Variants in ARID3A observed in about 807,000 individuals in gnomAD.
ARID3A encodes AT-rich interaction domain 3A, also known as AT-rich interactive domain-containing protein 3A.
ARID3A carries 11 observed loss-of-function variants against 52.7 expected under a neutral mutation model. That is an observed-to-expected ratio of 0.21 (90% CI 0.13 to 0.35). The LOEUF (loss-of-function observed/expected upper bound fraction) is 0.35, where lower values mean the gene tolerates loss of function less well. ARID3A is among the 10% of genes least tolerant of loss of function. The pLI is 1.00. For missense variants in ARID3A, 721 were observed against 838.5 expected (o/e 0.86, Z 1.73); for synonymous variants, 404 against 359.4 (o/e 1.12, Z -1.40).
chr19:961,122 CT>C (rs1211387945), intron 4 of ARID3A, among the ~76,000 whole-genome samples: 2 of 152,210 alleles, frequency 1.3e-5, no homozygotes, highest in Non-Finnish European at 2.9e-5. Flanking sequence ...CCGATCCCCA[CT>C]GTTCAGACGG....
In ARID3A at chr19:972,742, A is replaced by G. The variant is rs1394656043; in HGVS notation, c.*677A>G. The G allele has an allele frequency of 5.2e-6, 1 of 191,336 alleles. No individual in the cohort carries two copies. The highest frequency in any genetic ancestry group is 1.0e-5 in the Non-Finnish European group (1 of 96,196). The allele number at this position is 191,336 out of a possible 1,614,324, so 11.9% of individuals were successfully genotyped here. On this transcript the variant is annotated 3_prime_UTR_variant, in exon 9 of 9. Transcript: ENST00000263620. The stretch of plus-strand genomic sequence containing the variant: ...AGGAAAAGGATATCTATATATCTAT[A>G]TAGCTATATATTTGTGTTCCTTCAG...
intron 6 of ARID3A, among the ~76,000 whole-genome samples, chr19:965,885 G>A (rs571920140): frequency 2.0e-5 from 3 of 151,908 alleles, no homozygotes; most frequent in African/African-American, 4.8e-5. Context: ...CCAGCTACTT[G>A]GGAGGCTGAG....
At chr19:946,046 A>G (rs1195727669) in intron 3 of ARID3A, among the ~76,000 whole-genome samples, 1 of 152,076 alleles carries the variant, frequency 6.6e-6, no homozygotes, top group Admixed American at 6.6e-5. Flanking sequence ...TCAGCAGGGA[A>G]AAATGAGGCT....
chr19:957,122 G>C (rs1046562536), intron 3 of ARID3A, among the ~76,000 whole-genome samples: 3 of 144,984 alleles, frequency 2.1e-5, no homozygotes, highest in Admixed American at 1.4e-4. Context: ...GTGGGGGGGG[G>C]CGCTGGGGGA....
At position 938,518 on chromosome 19, in the gene ARID3A, G is replaced by A. The variant is rs775712138; in HGVS notation, c.693+5776G>A. 6.6e-6 allele frequency among the ~76,000 whole-genome samples: 1 copy of A among 152,216 alleles called. No individual in the cohort carries two copies. The highest frequency in any genetic ancestry group is 1.5e-5 in the Non-Finnish European group (1 of 68,034). The stretch of plus-strand genomic sequence containing the variant: ...ACCCCCGGGATGCACCTGCCAGAGA[G>A]GACCCAGCGGTGTGTGGATGGATGG... On this transcript the variant is annotated intron_variant, in intron 3 of 8. Coordinates refer to ENST00000263620, the MANE Select transcript of ARID3A (RefSeq NM_005224.3). This position sits in a 1 kb window ranked among gnomAD's most constrained non-coding sequence, Gnocchi z 4.0.
rs771085926 is a variant in ARID3A at position 947,952 on chromosome 19, G to A, written c.694-12140G>A. 3.3e-5 allele frequency among the ~76,000 whole-genome samples: 5 copies of A among 152,278 alleles called. No homozygotes were observed. In the South Asian group the frequency reaches 6.2e-4, roughly 19 times the overall value. On this transcript the variant is annotated intron_variant, in intron 3 of 8. Transcript: ENST00000263620. The surrounding 1 kb of genome is among the most constrained non-coding windows in gnomAD (Gnocchi z 6.3). ...AAAGGACCTCGTGGCTTAGGCAGGC[G>A]GGGGAGCCCCCCGGCTGGTCAGGTG...
At chr19:970,838 T>G (rs2038263958) in intron 8 of ARID3A, among the ~76,000 whole-genome samples, 1 of 152,150 alleles carries the variant, frequency 6.6e-6, no homozygotes, top group Non-Finnish European at 1.5e-5. Flanking sequence ...CAGGTGGCGC[T>G]GTCGACACAG....
chr19:972,606 G>GT lies in ARID3A; in HGVS notation c.*548dup. On this transcript the variant is annotated 3_prime_UTR_variant, in exon 9 of 9. Coordinates refer to ENST00000263620, the MANE Select transcript of ARID3A (RefSeq NM_005224.3). ...CCTGAACCAAGATCACTGAATTTTT[G>GT]TTTTTTTCTTGTTGCTTTGGGAAAT... 2 of 221,474 alleles carry GT rather than the reference G, an allele frequency of 9.0e-6. No individual in the cohort carries two copies. Among genetic ancestry groups the GT allele is most frequent in the Non-Finnish European group, 1.8e-5 (2 of 110,646 alleles). 13.7% of individuals were successfully genotyped at this position (221,474 alleles called of 1,614,324 possible).
rs2037284821 is a variant in ARID3A at position 929,870 on chromosome 19, T to TGAGGACATGGCCTCCGAC, written c.352_368+1dup. On this transcript the variant is annotated inframe_insertion, in exon 2 of 9. Coordinates refer to ENST00000263620, the MANE Select transcript of ARID3A (RefSeq NM_005224.3). The surrounding 1 kb of genome is among the most constrained non-coding windows in gnomAD (Gnocchi z 6.2). ...GAGAAGGGCCAGGAGAGGAGCACTT[T>TGAGGACATGGCCTCCGAC]GAGGACATGGCCTCCGACGAGGACA... 1 of 1,543,308 alleles carries TGAGGACATGGCCTCCGAC rather than the reference T, an allele frequency of 6.5e-7. No individual in the cohort carries two copies. Among genetic ancestry groups the TGAGGACATGGCCTCCGAC allele is most frequent in the Non-Finnish European group, 8.7e-7 (1 of 1,146,898 alleles).
intron 3 of ARID3A, among the ~76,000 whole-genome samples, chr19:952,159 C>T (rs1044324967): frequency 6.6e-6 from 1 of 151,586 alleles, no homozygotes; most frequent in Non-Finnish European, 1.5e-5. Flanking sequence ...AACAAAGTGT[C>T]TCAGGCTGGG....
chr19:946,886 T>C (rs1162488873), intron 3 of ARID3A, among the ~76,000 whole-genome samples: 1 of 151,838 alleles, frequency 6.6e-6, no homozygotes, highest in African/African-American at 2.4e-5. Flanking sequence ...CTCGAGCTCC[T>C]GGGCTCACGT....
rs1015801983 is a variant in ARID3A at position 973,547 on chromosome 19, C to T, written c.*1482C>T. 1.3e-5 allele frequency: 3 copies of T among 223,890 alleles called. No homozygotes were observed. Among genetic ancestry groups the T allele is most frequent in the South Asian group, 1.8e-4 (1 of 5,444 alleles). 13.9% of individuals were successfully genotyped at this position (223,890 alleles called of 1,614,324 possible). On this transcript the variant is annotated 3_prime_UTR_variant, in exon 9 of 9. Transcript: ENST00000263620. ...GTCTCATTGGGATTCTTCTCTTGCC[C>T]GAAAGGGCTGCTTTTGAGGACTATC...
rs979785279 is a variant in ARID3A, at chr19:947,748, C to T, written c.694-12344C>T. On this transcript the variant is annotated intron_variant, in intron 3 of 8. Coordinates refer to ENST00000263620, the MANE Select transcript of ARID3A (RefSeq NM_005224.3). This position sits in a 1 kb window ranked among gnomAD's most constrained non-coding sequence, Gnocchi z 6.3. ...CATTTCTGGAGAGTGTTATTAATAT[C>T]CGCCCCGTGGGTGCGGCGCTGTGTA... Among the ~76,000 whole-genome samples, 4 of 152,228 alleles carry T rather than the reference C, an allele frequency of 2.6e-5. No individual in the cohort carries two copies. Among genetic ancestry groups the T allele is most frequent in the African/African-American group, 9.6e-5 (4 of 41,462 alleles).
At chr19:957,113 T>TG (rs10710407) in intron 3 of ARID3A, among the ~76,000 whole-genome samples, 3 of 151,552 alleles carry the variant, frequency 2.0e-5, no homozygotes, top group Admixed American at 6.6e-5. Context: ...AACCTGTGGG[T>TG]GGGGGGGGGC....
rs2038292130 is a variant in ARID3A at position 972,222 on chromosome 19, G to GTT, written c.*157_*158insTT. The stretch of plus-strand genomic sequence containing the variant: ...CTGACGCCAAAAAGAAAAGAAAAAA[G>GTT]ATATATATATATATATATATATATA... On this transcript the variant is annotated 3_prime_UTR_variant, in exon 9 of 9. Coordinates refer to ENST00000263620, the MANE Select transcript of ARID3A (RefSeq NM_005224.3). The GTT allele has an allele frequency of 4.6e-6, 1 of 218,850 alleles. No individual in the cohort carries two copies. The highest frequency in any genetic ancestry group is 2.6e-5 in the African/African-American group (1 of 38,626). 13.6% of individuals were successfully genotyped at this position (218,850 alleles called of 1,614,324 possible).
intron 1 of ARID3A, chr19:928,791 G>A (rs1338336526): frequency 1.3e-5 from 2 of 152,178 alleles, no homozygotes; most frequent in African/African-American, 4.8e-5. Flanking sequence ...GTTGTGTGAT[G>A]GGGGGAGGGT....
At chr19:971,163 A>C (rs1026223418) in intron 8 of ARID3A, among the ~76,000 whole-genome samples, 2 of 152,152 alleles carry the variant, frequency 1.3e-5, no homozygotes, top group African/African-American at 4.8e-5. Context: ...GTGTGTGATG[A>C]AGGAGTGAGC....
chr19:959,602 C>T lies in ARID3A; in HGVS notation c.694-490C>T, dbSNP rs1275413691. Among the ~76,000 whole-genome samples the T allele has an allele frequency of 6.6e-6, 1 of 152,124 alleles. No homozygotes were observed. The highest frequency in any genetic ancestry group is 1.5e-5 in the Non-Finnish European group (1 of 68,026). ...GGTTTTGGACTTCTGGGCTCCGGGA[C>T]CGCGGGAGAATAGATTTCTGTTGCT... On this transcript the variant is annotated intron_variant, in intron 3 of 8. Coordinates refer to ENST00000263620, the MANE Select transcript of ARID3A (RefSeq NM_005224.3). This position sits in a 1 kb window ranked among gnomAD's most constrained non-coding sequence, Gnocchi z 5.0.
At chr19:958,391 G>A (rs1274533589) in intron 3 of ARID3A, among the ~76,000 whole-genome samples, 1 of 139,254 alleles carries the variant, frequency 7.2e-6, no homozygotes, top group African/African-American at 2.7e-5. Context: ...TCGCGCCACT[G>A]CACTCCAGCC....
Sources: allele counts gnomAD v4.1 joint callset (sites outside exome capture counted in the v4.1 genomes callset), GRCh38; gene constraint gnomAD v4.1.1; non-coding constraint Gnocchi (gnomAD v3.1); transcripts MANE v1.5; gene names NCBI Gene and HGNC (gene_info 2026-07-23, HGNC 2026-07-21).